TSGA10: variants seen among roughly 807,000 people sequenced by gnomAD.
TSGA10 encodes the protein testis specific 10, also known as testis-specific gene 10 protein.
In TSGA10, 43 loss-of-function variants were observed where a neutral mutation model predicts 96.6. The observed-to-expected ratio is 0.44, with a 90% CI of 0.35 to 0.57. The LOEUF (loss-of-function observed/expected upper bound fraction) is 0.57. TSGA10 is among the 20% of genes least tolerant of loss of function. The pLI is 0.01. For synonymous variants in TSGA10, 229 were observed against 269.9 expected (o/e 0.85, Z 1.48); for missense variants, 703 against 834.4 (o/e 0.84, Z 1.94).
chr2:99,067,615 G>A (rs1009764873), intron 15 of TSGA10, among the ~76,000 whole-genome samples: 2 of 152,142 alleles, frequency 1.3e-5, no homozygotes, highest in Admixed American at 6.5e-5. Flanking sequence ...CACTTTGGGA[G>A]GCCGAGACAG....
intron 1 of TSGA10, among the ~76,000 whole-genome samples, chr2:99,153,211 T>A (rs1471786504): frequency 6.6e-6 from 1 of 152,210 alleles, no homozygotes; most frequent in Non-Finnish European, 1.5e-5. Flanking sequence ...CCAGTGGATC[T>A]AGCAATATGA....
At chr2:99,002,762 A>G (rs922206691) in intron 20 of TSGA10, among the ~76,000 whole-genome samples, 6 of 152,202 alleles carry the variant, frequency 3.9e-5, no homozygotes, top group Non-Finnish European at 8.8e-5. Context: ...AGAGACACAC[A>G]TAGGCTCAAA....
intron 10 of TSGA10, among the ~76,000 whole-genome samples, chr2:99,098,226 A>G (rs1202966596): frequency 1.3e-5 from 2 of 151,928 alleles, no homozygotes. Flanking sequence ...TCACGAGGTC[A>G]GGAGTTTGAG....
intron 10 of TSGA10, among the ~76,000 whole-genome samples, chr2:99,088,464 C>G (rs1227265099): frequency 6.6e-6 from 1 of 152,122 alleles, no homozygotes; most frequent in East Asian, 1.9e-4. Context: ...CACTGAGGGT[C>G]TTGGGACATA....
At chr2:99,120,425 T>A (rs1193380518) in intron 2 of TSGA10, among the ~76,000 whole-genome samples, 1 of 152,114 alleles carries the variant, frequency 6.6e-6, no homozygotes, top group African/African-American at 2.4e-5. Flanking sequence ...TTTACCATAT[T>A]TTCTTGATCC....
chr2:99,023,836 C>T (rs538056134), intron 17 of TSGA10, among the ~76,000 whole-genome samples: 15 of 152,106 alleles, frequency 9.9e-5, no homozygotes, highest in African/African-American at 3.6e-4. Context: ...TGTGATTCTC[C>T]AACTTTCTTT....
chr2:99,073,538 G>A (rs1275406901), intron 12 of TSGA10, among the ~76,000 whole-genome samples: 1 of 152,094 alleles, frequency 6.6e-6, no homozygotes, highest in Non-Finnish European at 1.5e-5. Flanking sequence ...TTTTGATTAA[G>A]TGTATTATTT....
intron 3 of TSGA10, 32 bp downstream of exon 3, chr2:99,118,519 A>T: frequency 1.1e-6 from 1 of 949,202 alleles, no homozygotes; most frequent in Non-Finnish European, 1.3e-6. Flanking sequence ...TTAACTTTTT[A>T]AAAAGTCCTT....
chr2:99,090,595 T>C (rs1187474743), intron 10 of TSGA10, among the ~76,000 whole-genome samples: 1 of 152,040 alleles, frequency 6.6e-6, no homozygotes, highest in Non-Finnish European at 1.5e-5. Flanking sequence ...TCACAACTTC[T>C]GGAAATCAAG....
intron 1 of TSGA10, chr2:99,150,845 A>T (rs1289183743): frequency 6.5e-7 from 1 of 1,549,344 alleles, no homozygotes; most frequent in Non-Finnish European, 8.7e-7. Context: ...AGCAATTTGT[A>T]CGTATTACCA....
At chr2:98,999,865 C>T (rs2077734142) in intron 20 of TSGA10, among the ~76,000 whole-genome samples, 1 of 152,178 alleles carries the variant, frequency 6.6e-6, no homozygotes, top group Non-Finnish European at 1.5e-5. Context: ...CCTCTCACCT[C>T]AGCCTACCAA....
At chr2:99,015,790 TA>T (rs1253747312) in intron 20 of TSGA10, among the ~76,000 whole-genome samples, 1 of 152,224 alleles carries the variant, frequency 6.6e-6, no homozygotes, top group Admixed American at 6.5e-5. Context: ...ATGAATTCAG[TA>T]AAGTTTCAGG....
At chr2:99,122,184 T>C (rs1281572485) in intron 2 of TSGA10, among the ~76,000 whole-genome samples, 1 of 152,218 alleles carries the variant, frequency 6.6e-6, no homozygotes, top group Admixed American at 6.5e-5. Flanking sequence ...GTTGAAATCA[T>C]GAAGAGTTTT....
chr2:99,134,223 A>G (rs1028900625), intron 1 of TSGA10, among the ~76,000 whole-genome samples: 2 of 152,092 alleles, frequency 1.3e-5, no homozygotes, highest in Admixed American at 6.5e-5. Flanking sequence ...ATACCAATCA[A>G]AGGTAGGTCT....
intron 20 of TSGA10, among the ~76,000 whole-genome samples, chr2:99,011,407 C>T (rs899372579): frequency 4.6e-5 from 7 of 152,308 alleles, no homozygotes; most frequent in African/African-American, 1.4e-4. Context: ...GCTGGGATTA[C>T]AGGCATTAGC....
intron 18 of TSGA10, among the ~76,000 whole-genome samples, 157 bp downstream of exon 18, chr2:99,020,123 A>G (rs2079875786): frequency 1.3e-5 from 2 of 152,324 alleles, no homozygotes; most frequent in African/African-American, 4.8e-5. Flanking sequence ...TAAGAAAAAC[A>G]TAATAGAAAA....
intron 20 of TSGA10, among the ~76,000 whole-genome samples, chr2:98,998,832 T>C (rs1446275461): frequency 6.6e-6 from 1 of 152,176 alleles, no homozygotes; most frequent in East Asian, 1.9e-4. Flanking sequence ...GGGGTAAGGA[T>C]ATGTGGGACT....
At chr2:99,000,708 C>T (rs957075678) in intron 20 of TSGA10, among the ~76,000 whole-genome samples, 3 of 152,160 alleles carry the variant, frequency 2.0e-5, no homozygotes, top group African/African-American at 7.2e-5. Context: ...AGGGCATCGC[C>T]TCACCTGGGA....
chr2:99,058,891 G>A (rs2084302486), intron 16 of TSGA10, among the ~76,000 whole-genome samples: 1 of 151,358 alleles, frequency 6.6e-6, no homozygotes, highest in African/African-American at 2.4e-5. Context: ...CAAAAAATTT[G>A]CTGGGCATAG....
Sources: allele counts gnomAD v4.1 joint callset (sites outside exome capture counted in the v4.1 genomes callset), GRCh38; gene constraint gnomAD v4.1.1; transcripts MANE v1.5; gene names NCBI Gene and HGNC (gene_info 2026-07-23, HGNC 2026-07-21).